The following DPP6 variants were observed in gnomAD, a reference collection of about 807,000 sequenced individuals.
DPP6 encodes dipeptidyl peptidase like 6, also known as A-type potassium channel modulatory protein DPP6.
DPP6 carries 69 observed loss-of-function variants against 122.6 expected under a neutral mutation model. That is an observed-to-expected ratio of 0.56 (90% CI 0.46 to 0.69). The LOEUF (loss-of-function observed/expected upper bound fraction) is 0.69. Among genes scored for constraint, DPP6 ranks in the 30% least tolerant of loss-of-function variants. The pLI, the probability that DPP6 is intolerant of heterozygous loss-of-function variation, is 0.00. For missense variants in DPP6, 928 were observed against 1,116.9 expected, an observed-to-expected ratio of 0.83 and a Z score of 2.41; for synonymous variants, 418 against 433.1, an observed-to-expected ratio of 0.97 and a Z score of 0.43.
intron 1 of DPP6, among the ~76,000 whole-genome samples, chr7:154,284,620 C>T (rs1336391282): frequency 6.6e-6 from 1 of 152,148 alleles, no homozygotes. Flanking sequence ...TTTGGGAGGC[C>T]GAGACAGGCT....
intron 1 of DPP6, among the ~76,000 whole-genome samples, chr7:154,157,507 A>G (rs1250453369): frequency 1.3e-5 from 2 of 152,208 alleles, no homozygotes; most frequent in Non-Finnish European, 2.9e-5. Flanking sequence ...GCTCATAGTG[A>G]CAAAAACAAT....
At chr7:153,853,019 A>G in the DPP6 span, among the ~76,000 whole-genome samples, 1 of 152,200 alleles carries the variant, frequency 6.6e-6, no homozygotes, top group Non-Finnish European at 1.5e-5. Flanking sequence ...CCATTTGTAC[A>G]CAATGCCCCA....
intron 1 of DPP6, among the ~76,000 whole-genome samples, chr7:154,329,732 T>C (rs1251416649): frequency 6.6e-6 from 1 of 152,218 alleles, no homozygotes; most frequent in African/African-American, 2.4e-5. Context: ...TGCACACATA[T>C]GTTTCTTGCA....
intron 4 of DPP6, among the ~76,000 whole-genome samples, chr7:154,546,257 T>C (rs1829180361): frequency 1.3e-5 from 2 of 152,318 alleles, no homozygotes; most frequent in South Asian, 4.1e-4. Flanking sequence ...AAGTGAACAC[T>C]GAACTATGAA....
chr7:153,949,144 C>T (rs1034790834), intron 1 of DPP6, among the ~76,000 whole-genome samples: 1 of 152,214 alleles, frequency 6.6e-6, no homozygotes, highest in Non-Finnish European at 1.5e-5. Context: ...CGGCATGAGC[C>T]GCACTGCAGT....
the DPP6 span, among the ~76,000 whole-genome samples, chr7:153,799,366 C>T: frequency 0.011 from 1,621 of 152,238 alleles, 30 homozygotes; most frequent in African/African-American, 0.036. Flanking sequence ...GGAATTTGTA[C>T]GATGAAGACA....
At chr7:154,806,150 A>C (rs1420341459) in intron 15 of DPP6, among the ~76,000 whole-genome samples, 2 of 152,226 alleles carry the variant, frequency 1.3e-5, no homozygotes, top group African/African-American at 4.8e-5. Context: ...CCAATTAATA[A>C]ACATGAGAGG....
chr7:153,843,212 A>G, the DPP6 span, among the ~76,000 whole-genome samples: 2 of 152,144 alleles, frequency 1.3e-5, no homozygotes, highest in Non-Finnish European at 2.9e-5. Flanking sequence ...ACGTGCACAC[A>G]CACAAATGCA....
chr7:154,385,962 A>AT (rs996652568), intron 1 of DPP6, among the ~76,000 whole-genome samples: 12 of 151,890 alleles, frequency 7.9e-5, no homozygotes, highest in African/African-American at 1.7e-4. Context: ...GTTTTTGTTG[A>AT]TTTTTTCCCC....
At chr7:153,764,897 G>A in the DPP6 span, among the ~76,000 whole-genome samples, 246 of 152,294 alleles carry the variant, frequency 1.6e-3, no homozygotes, top group African/African-American at 5.7e-3. Context: ...TTCCAGGTGG[G>A]GTCTAGGTAG....
intron 1 of DPP6, among the ~76,000 whole-genome samples, chr7:153,964,559 C>G (rs1342079782): frequency 6.6e-6 from 1 of 152,156 alleles, no homozygotes; most frequent in Non-Finnish European, 1.5e-5. Flanking sequence ...AAGTCTGCAC[C>G]CACTACCTGG....
intron 8 of DPP6, among the ~76,000 whole-genome samples, chr7:154,766,333 T>A (rs928789879): frequency 6.6e-6 from 1 of 152,182 alleles, no homozygotes; most frequent in African/African-American, 2.4e-5. Context: ...ATTTTATTTT[T>A]TTGAGACCTA....
chr7:154,764,892 G>A (rs1336169382), intron 8 of DPP6, among the ~76,000 whole-genome samples: 1 of 152,114 alleles, frequency 6.6e-6, no homozygotes, highest in Non-Finnish European at 1.5e-5. Context: ...CTTAATATAA[G>A]CTTGTAGGTG....
At chr7:154,174,447 C>A (rs1797693038) in intron 1 of DPP6, among the ~76,000 whole-genome samples, 1 of 152,192 alleles carries the variant, frequency 6.6e-6, no homozygotes, top group Admixed American at 6.5e-5. Context: ...CAGTGCACGG[C>A]ACATTTTTAT....
chr7:153,984,103 C>T lies in DPP6; in HGVS notation c.51+96369C>T, dbSNP rs1327784966. 4.9e-5 allele frequency among the ~76,000 whole-genome samples: 7 copies of T among 142,832 alleles called. No individual in the cohort carries two copies. In the South Asian group the frequency reaches 9.1e-4, roughly 19 times the overall value. 93.7% of individuals were successfully genotyped at this position (142,832 alleles called of 152,430 possible). A position where few individuals can be genotyped will look rare whatever the true frequency, so the allele number is the denominator to read the frequency against. Reference sequence around the variant, plus strand: ...ACACACACACACACACACACACACACGTGTCACAAGTGAAATTTTGGGCAA... The same window carrying T: ...ACACACACACACACACACACACACATGTGTCACAAGTGAAATTTTGGGCAA... On this transcript the variant is annotated intron_variant, in intron 1 of 25. Coordinates refer to the DPP6 transcript ENST00000404039.
intron 1 of DPP6, among the ~76,000 whole-genome samples, chr7:154,227,982 TGAA>T (rs1285506315): frequency 6.6e-6 from 1 of 152,222 alleles, no homozygotes. Flanking sequence ...TCAATAATAA[TGAA>T]TAATCTCCCA....
chr7:154,637,570 A>G (rs531872200), intron 5 of DPP6, among the ~76,000 whole-genome samples: 4 of 152,320 alleles, frequency 2.6e-5, no homozygotes, highest in Non-Finnish European at 5.9e-5. Flanking sequence ...CCCTAATTTA[A>G]TCACACACCA....
chr7:154,557,755 C>T (rs191122345), intron 4 of DPP6, among the ~76,000 whole-genome samples: 1 of 151,866 alleles, frequency 6.6e-6, no homozygotes, highest in Non-Finnish European at 1.5e-5. Flanking sequence ...GGGCTTTCTG[C>T]GTGAATGCTG....
chr7:154,070,981 C>T (rs538747088), intron 1 of DPP6, among the ~76,000 whole-genome samples: 45 of 152,272 alleles, frequency 3.0e-4, no homozygotes, highest in African/African-American at 1.1e-3. Flanking sequence ...TAAAACCAAT[C>T]AAGACAACAT....
Sources: allele counts gnomAD v4.1 joint callset (sites outside exome capture counted in the v4.1 genomes callset), GRCh38; gene constraint gnomAD v4.1.1; transcripts MANE v1.5; gene names NCBI Gene and HGNC (gene_info 2026-07-23, HGNC 2026-07-21).